ESRRG: variants seen among roughly 807,000 people sequenced by gnomAD.
ESRRG encodes estrogen-related receptor gamma.
Under a neutral mutation model 44.0 loss-of-function variants are expected in ESRRG, and 13 were observed. That is an observed-to-expected ratio of 0.30 (90% CI 0.19 to 0.47). The LOEUF is 0.47. Among genes scored for constraint, ESRRG ranks in the 20% least tolerant of loss-of-function variants. The pLI is 1.00. For missense variants in ESRRG, 395 were observed against 580.6 expected, an observed-to-expected ratio of 0.68 and a Z score of 3.29; for synonymous variants, 215 against 214.6, an observed-to-expected ratio of 1.00 and a Z score of -0.02.
rs866598529 is a variant in ESRRG, at chr1:216,568,069, G to T, written c.619C>A (p.Arg207=). ...TCTATCCTGCGCTTGTACTTCTGCC[G>T]ACCTCCACGTACTCTGTCAAGACGC... ...GVRLDRVRGG[R]QKYKRRIDAE... Residue 207 remains arginine (R), a synonymous_variant, in exon 4 of 7, where the codon CGG becomes AGG. Transcript: ENST00000408911. 1 of 1,613,568 alleles carries T rather than the reference G, an allele frequency of 6.2e-7. No individual in the cohort carries two copies. The highest frequency in any genetic ancestry group is 1.1e-5 in the South Asian group (1 of 91,050).
intron 2 of ESRRG, among the ~76,000 whole-genome samples, chr1:216,763,152 G>GAGCT (rs1350259107): frequency 6.6e-6 from 1 of 152,074 alleles, no homozygotes; most frequent in African/African-American, 2.4e-5. Flanking sequence ...AAAATCAGTT[G>GAGCT]AGCTCATTTC....
chr1:216,940,796 T>A (rs1476552494), intron 1 of ESRRG, among the ~76,000 whole-genome samples: 1 of 152,156 alleles, frequency 6.6e-6, no homozygotes, highest in African/African-American at 2.4e-5. Flanking sequence ...GTAAAATGCT[T>A]GACAAATAAA....
intron 2 of ESRRG, among the ~76,000 whole-genome samples, chr1:216,763,702 G>T (rs1371935873): frequency 3.9e-5 from 6 of 152,094 alleles, no homozygotes; most frequent in Admixed American, 3.9e-4. Context: ...AGTTTTCACT[G>T]TGCATGGGCA....
chr1:216,681,381 T>C (rs1351994988), intron 1 of ESRRG, among the ~76,000 whole-genome samples: 1 of 152,132 alleles, frequency 6.6e-6, no homozygotes, highest in Non-Finnish European at 1.5e-5. Flanking sequence ...GCCATGTTGG[T>C]GTGCTGCACC....
intron 5 of ESRRG, among the ~76,000 whole-genome samples, chr1:216,531,316 G>A (rs112169956): frequency 0.038 from 5,807 of 152,208 alleles, 163 homozygotes; most frequent in Middle Eastern, 0.11. Context: ...TGAGAGTTCG[G>A]TTTAAAGTCA....
chr1:216,975,606 A>T (rs2072712230), intron 1 of ESRRG, among the ~76,000 whole-genome samples: 1 of 152,194 alleles, frequency 6.6e-6, no homozygotes, highest in South Asian at 2.1e-4. Context: ...CTCACTAAAA[A>T]GACACTCAGA....
intron 2 of ESRRG, among the ~76,000 whole-genome samples, chr1:216,827,633 T>G (rs2095419538): frequency 6.6e-6 from 1 of 152,224 alleles, no homozygotes; most frequent in African/African-American, 2.4e-5. Flanking sequence ...CCTCTTAAAT[T>G]GACAGTTTGT....
chr1:216,563,969 G>C (rs573015322), intron 5 of ESRRG, among the ~76,000 whole-genome samples: 1 of 152,060 alleles, frequency 6.6e-6, no homozygotes, highest in Non-Finnish European at 1.5e-5. Flanking sequence ...TTATATTCTC[G>C]TTAGCTTACA....
At chr1:216,519,814 T>TAAAAAAAAAAAA (rs147923058) in intron 5 of ESRRG, among the ~76,000 whole-genome samples, 1 of 118,976 alleles carries the variant, frequency 8.4e-6, no homozygotes, top group Non-Finnish European at 1.8e-5. Flanking sequence ...AACATAAAAG[T>TAAAAAAAAAAAA]AAAAAAAAAA....
chr1:216,738,295 G>A (rs1403316035), intron 2 of ESRRG, among the ~76,000 whole-genome samples: 2 of 152,108 alleles, frequency 1.3e-5, no homozygotes, highest in Admixed American at 1.3e-4. Context: ...CTTTTGTAGT[G>A]ACACAATGCT....
intron 3 of ESRRG, among the ~76,000 whole-genome samples, chr1:216,590,648 G>T (rs112019484): frequency 6.6e-6 from 1 of 152,136 alleles, no homozygotes; most frequent in African/African-American, 2.4e-5. Context: ...GAAGGCAGAA[G>T]GCAATAGAAT....
chr1:216,800,876 G>T (rs1056126294), intron 2 of ESRRG, among the ~76,000 whole-genome samples: 12 of 152,114 alleles, frequency 7.9e-5, no homozygotes, highest in South Asian at 2.1e-4. Context: ...TAGGATAAGG[G>T]TTTGAAGGTA....
chr1:216,555,275 T>C (rs1020616870), intron 5 of ESRRG, among the ~76,000 whole-genome samples: 3 of 152,210 alleles, frequency 2.0e-5, no homozygotes, highest in Admixed American at 2.0e-4. Context: ...AAATTCTCCT[T>C]CTAGTGGAAA....
At chr1:216,780,883 T>C (rs971719067) in intron 2 of ESRRG, among the ~76,000 whole-genome samples, 1 of 152,144 alleles carries the variant, frequency 6.6e-6, no homozygotes, top group Non-Finnish European at 1.5e-5. Flanking sequence ...GCTTCATATG[T>C]TCACGACACA....
chr1:217,125,098 C>A (rs1188796803), intron 1 of ESRRG, among the ~76,000 whole-genome samples: 1 of 152,154 alleles, frequency 6.6e-6, no homozygotes, highest in Non-Finnish European at 1.5e-5. Flanking sequence ...TCAAGTCTGC[C>A]CATTCCCTAT....
At chr1:216,912,630 C>G (rs980685056) in intron 2 of ESRRG, among the ~76,000 whole-genome samples, 1 of 151,916 alleles carries the variant, frequency 6.6e-6, no homozygotes, top group Non-Finnish European at 1.5e-5. Flanking sequence ...AAATAAGCAC[C>G]TACTACATGT....
intron 2 of ESRRG, among the ~76,000 whole-genome samples, chr1:216,920,385 T>TATGG (rs2061681855): frequency 1.7e-5 from 1 of 58,660 alleles, no homozygotes; most frequent in Non-Finnish European, 3.1e-5. Context: ...TGTATGGGAG[T>TATGG]GTGTGTGTGT....
At chr1:216,886,300 C>T (rs920141837) in intron 2 of ESRRG, among the ~76,000 whole-genome samples, 1 of 152,132 alleles carries the variant, frequency 6.6e-6, no homozygotes, top group Admixed American at 6.5e-5. Context: ...CCTAACTGAC[C>T]AGAGCTTAAA....
At chr1:216,917,504 G>A (rs1032696600) in intron 2 of ESRRG, among the ~76,000 whole-genome samples, 1 of 152,178 alleles carries the variant, frequency 6.6e-6, no homozygotes, top group Non-Finnish European at 1.5e-5. Flanking sequence ...TAATGAATGT[G>A]ATGTGGTTAG....
Sources: allele counts gnomAD v4.1 joint callset (sites outside exome capture counted in the v4.1 genomes callset), GRCh38; gene constraint gnomAD v4.1.1; transcripts MANE v1.5; gene names NCBI Gene and HGNC (gene_info 2026-07-23, HGNC 2026-07-21).